DAB1: variants seen among roughly 807,000 people sequenced by gnomAD.
DAB1 encodes disabled homolog 1.
Under a neutral mutation model 64.6 loss-of-function variants are expected in DAB1, and 15 were observed. The ratio of observed to expected loss-of-function variants is 0.23; its 90% CI spans 0.16 to 0.36. The LOEUF is 0.36. Among genes scored for constraint, DAB1 ranks in the 10% least tolerant of loss-of-function variants. The pLI is 1.00. For synonymous variants in DAB1, 235 were observed against 251.9 expected (o/e 0.93, Z 0.64); for missense variants, 596 against 706.7 (o/e 0.84, Z 1.78).
At chr1:57,218,515 T>TAAAAAAAAA (rs776398255) in intron 2 of DAB1, among the ~76,000 whole-genome samples, 34 of 71,440 alleles carry the variant, frequency 4.8e-4, no homozygotes, top group Non-Finnish European at 6.6e-4. Context: ...CCCCCATCTC[T>TAAAAAAAAA]AAAAAAAAAA....
At chr1:57,291,413 G>A (rs1451647772) in intron 1 of DAB1, among the ~76,000 whole-genome samples, 1 of 152,052 alleles carries the variant, frequency 6.6e-6, no homozygotes, top group Non-Finnish European at 1.5e-5. Flanking sequence ...TTATAAGAGG[G>A]ACAAAACCCA....
chr1:58,323,457 G>A (rs912206333), intron 4 of DAB1, among the ~76,000 whole-genome samples: 1 of 152,020 alleles, frequency 6.6e-6, no homozygotes, highest in Non-Finnish European at 1.5e-5. Flanking sequence ...AAGAACCTGT[G>A]TAGTTGTAAG....
chr1:57,222,036 G>A (rs1466297747), intron 2 of DAB1, among the ~76,000 whole-genome samples: 7 of 152,028 alleles, frequency 4.6e-5, no homozygotes, highest in Non-Finnish European at 7.4e-5. Context: ...GCACTGTTAC[G>A]CCCTTTACAA....
intron 6 of DAB1, among the ~76,000 whole-genome samples, chr1:57,650,649 T>C (rs565578459): frequency 7.2e-5 from 11 of 152,344 alleles, no homozygotes; most frequent in African/African-American, 2.4e-4. Flanking sequence ...GTTATTTTTC[T>C]CTTGTTTCTT....
At chr1:57,882,741 T>TA (rs537575118) in intron 1 of DAB1, among the ~76,000 whole-genome samples, 118 of 152,254 alleles carry the variant, frequency 7.8e-4, no homozygotes, top group African/African-American at 2.7e-3. Flanking sequence ...GACTTACTAA[T>TA]AAAACCTCAC....
intron 7 of DAB1, among the ~76,000 whole-genome samples, chr1:57,493,497 C>T (rs1570570597): frequency 6.6e-6 from 1 of 152,056 alleles, no homozygotes; most frequent in Admixed American, 6.5e-5. Flanking sequence ...TATAGTATTC[C>T]ATTATATGAA....
intron 4 of DAB1, among the ~76,000 whole-genome samples, chr1:58,183,774 CTTTA>C (rs1209273570): frequency 1.3e-5 from 2 of 152,158 alleles, no homozygotes; most frequent in East Asian, 1.9e-4. Context: ...TGTTTAGTGA[CTTTA>C]TTTGACTAAT....
chr1:58,113,427 G>A (rs1483915901), intron 5 of DAB1, among the ~76,000 whole-genome samples: 1 of 152,134 alleles, frequency 6.6e-6, no homozygotes, highest in Non-Finnish European at 1.5e-5. Flanking sequence ...TTTGCCATTA[G>A]CAAACTTCGG....
At chr1:57,202,092 A>C (rs1665149692) in intron 2 of DAB1, among the ~76,000 whole-genome samples, 1 of 152,180 alleles carries the variant, frequency 6.6e-6, no homozygotes, top group Non-Finnish European at 1.5e-5. Context: ...AACAAATCAC[A>C]AGATAGCAAT....
At chr1:58,332,226 T>C (rs932846879) in intron 4 of DAB1, among the ~76,000 whole-genome samples, 1 of 152,180 alleles carries the variant, frequency 6.6e-6, no homozygotes, top group African/African-American at 2.4e-5. Context: ...ACCTTCCCTT[T>C]TGAAACTCCC....
chr1:58,472,659 A>C (rs1182838509), intron 3 of DAB1, among the ~76,000 whole-genome samples: 1 of 152,230 alleles, frequency 6.6e-6, no homozygotes, highest in Non-Finnish European at 1.5e-5. Flanking sequence ...AGACCTCACC[A>C]GTAGAGGACA....
intron 5 of DAB1, chr1:58,048,618 C>T (rs573047541): frequency 2.5e-4 from 276 of 1,096,552 alleles, no homozygotes; most frequent in Middle Eastern, 2.9e-4. Context: ...CCAAAGCCAC[C>T]ATGACCACTA....
chr1:57,760,199 A>C (rs2101816302), intron 6 of DAB1, among the ~76,000 whole-genome samples: 1 of 152,250 alleles, frequency 6.6e-6, no homozygotes, highest in Middle Eastern at 3.4e-3. Flanking sequence ...CACAGGAACA[A>C]CATGGCTTTG....
intron 3 of DAB1, among the ~76,000 whole-genome samples, chr1:58,432,869 T>A (rs74076241): frequency 6.6e-6 from 1 of 151,850 alleles, no homozygotes; most frequent in Non-Finnish European, 1.5e-5. Flanking sequence ...ATGGCTGGAG[T>A]TCCTGCTCTG....
intron 7 of DAB1, among the ~76,000 whole-genome samples, chr1:57,623,173 G>A (rs1337874834): frequency 6.6e-6 from 1 of 152,160 alleles, no homozygotes; most frequent in East Asian, 1.9e-4. Context: ...AAGCCGCCTG[G>A]CAGCAGGGGG....
chr1:58,386,586 T>A (rs1217678133), intron 3 of DAB1, among the ~76,000 whole-genome samples: 2 of 152,324 alleles, frequency 1.3e-5, no homozygotes, highest in African/African-American at 4.8e-5. Context: ...TGAACTCCAC[T>A]TCTGGTCTTA....
At chr1:57,651,524 T>C (rs1252126675) in intron 6 of DAB1, among the ~76,000 whole-genome samples, 1 of 152,186 alleles carries the variant, frequency 6.6e-6, no homozygotes, top group Non-Finnish European at 1.5e-5. Context: ...TTTCTGGAGG[T>C]AGACCTGGTT....
At chr1:58,335,753 C>A (rs916393168) in intron 4 of DAB1, among the ~76,000 whole-genome samples, 1 of 151,914 alleles carries the variant, frequency 6.6e-6, no homozygotes, top group Non-Finnish European at 1.5e-5. Flanking sequence ...GGCTATAGGG[C>A]GTGAAAAAGA....
At chr1:57,855,774 A>T (rs1431219519) in intron 1 of DAB1, among the ~76,000 whole-genome samples, 1 of 152,156 alleles carries the variant, frequency 6.6e-6, no homozygotes, top group Non-Finnish European at 1.5e-5. Context: ...TCCAAGCACA[A>T]TATGGAGACC....
Sources: allele counts gnomAD v4.1 joint callset (sites outside exome capture counted in the v4.1 genomes callset), GRCh38; gene constraint gnomAD v4.1.1; transcripts MANE v1.5; gene names NCBI Gene and HGNC (gene_info 2026-07-23, HGNC 2026-07-21).